Variants in SETX observed in about 807,000 individuals in gnomAD.
The protein encoded by SETX is helicase senataxin.
SETX carries 90 observed loss-of-function variants against 227.2 expected under a neutral mutation model. That is an observed-to-expected ratio of 0.40 (90% confidence interval 0.33 to 0.47). SETX has a LOEUF of 0.47. SETX is among the 20% of genes least tolerant of loss of function. The probability of loss-of-function intolerance (pLI) is 0.91; values close to 1 mark genes in which losing one functional copy is unlikely to be tolerated. For synonymous variants in SETX, 1,210 were observed against 1,113.2 expected (o/e 1.09, Z -1.73); for missense variants, 3,052 against 3,181.5 (o/e 0.96, Z 0.98).
intron 5 of SETX, among the ~76,000 whole-genome samples, chr9:132,339,917 A>G (rs1847858173): frequency 6.6e-6 from 1 of 152,112 alleles, no homozygotes; most frequent in Admixed American, 6.6e-5. Flanking sequence ...GCCCAGCCAT[A>G]TCTCCGGTAT....
In SETX at chr9:132,326,682, T is replaced by A. The variant is rs150918808; in HGVS notation, c.4916A>T (p.Gln1639Leu). The part of the protein sequence containing the change: ...KGIQSILKVP[Q>L]PVPLIAQKPV... ...CTTCTGAGCTATGAGGGGAACTGGC[T>A]GTGGTACTTTCAAAATCGACTGTAT... Residue 1639 changes from glutamine (Q) to leucine (L), a missense_variant, in exon 10 of 26, where the codon CAG becomes CTG. Gln to Leu is a moderately radical substitution (Grantham distance 113, BLOSUM62 -2). This residue lies in a region of SETX where 1,483 missense variants were observed against 1,312.0 expected (regional missense o/e 1.13). Transcript: ENST00000224140. The A allele has an allele frequency of 6.2e-7, 1 of 1,614,204 alleles. No individual in the cohort carries two copies. Among genetic ancestry groups the A allele is most frequent in the East Asian group, 2.2e-5 (1 of 44,876 alleles).
chr9:132,281,917 G>C (rs923402106), intron 19 of SETX, among the ~76,000 whole-genome samples: 3 of 151,568 alleles, frequency 2.0e-5, no homozygotes, highest in Non-Finnish European at 4.4e-5. Context: ...AGCTACTTGG[G>C]AGGCTGAGGC....
At chr9:132,315,725 C>A (rs531503542) in intron 10 of SETX, among the ~76,000 whole-genome samples, 2 of 152,180 alleles carry the variant, frequency 1.3e-5, no homozygotes, top group Non-Finnish European at 2.9e-5. Context: ...TCAATGATGA[C>A]CTCCTTGCTG....
rs1166234070 is a variant in SETX at position 132,296,820 on chromosome 9, C to T, written c.5949+67G>A. 5.8e-6 allele frequency: 8 copies of T among 1,386,024 alleles called. No homozygotes were observed. In the East Asian group the frequency reaches 1.1e-4, roughly 20 times the overall value. The allele number at this position is 1,386,024 out of a possible 1,614,324, so 85.9% of individuals were successfully genotyped here. On this transcript the variant is annotated intron_variant, in intron 14 of 25. Coordinates refer to ENST00000224140, the MANE Select transcript of SETX (RefSeq NM_015046.7). Reference sequence around the variant, plus strand: ...GGCATGTTAATACTTATTTACATGTCAGTTAACTCAAGTAAAGTAAAATGA... The same window carrying T: ...GGCATGTTAATACTTATTTACATGTTAGTTAACTCAAGTAAAGTAAAATGA...
rs1383757047 is a variant in SETX at position 132,328,003 on chromosome 9, T to C, written c.3595A>G (p.Lys1199Glu). The change falls in exon 10 of 26, where the codon AAA (lysine) becomes GAA (glutamate). Residue 1199 changes from lysine (K) to glutamate (E), a missense_variant. Physicochemically the swap from Lys to Glu is moderately conservative, Grantham distance 56. This residue lies in a region of SETX where 1,483 missense variants were observed against 1,312.0 expected (regional missense o/e 1.13). Coordinates refer to ENST00000224140, the MANE Select transcript of SETX (RefSeq NM_015046.7). ...NKRDLVGNDF[K>E]SIDRRTSTPN... ...GTTGAAGTCCTTCTATCAATACTTT[T>C]AAAATCATTTCCCACAAGATCTCTC... The C allele has an allele frequency of 6.2e-7, 1 of 1,613,840 alleles. No homozygotes were observed. The highest frequency in any genetic ancestry group is 1.3e-5 in the African/African-American group (1 of 75,024).
At chr9:132,287,525 T>C (rs1843982079) in intron 17 of SETX, among the ~76,000 whole-genome samples, 1 of 151,976 alleles carries the variant, frequency 6.6e-6, no homozygotes, top group Admixed American at 6.6e-5. Flanking sequence ...CCCATCTATT[T>C]TCGTAAATAA....
At chr9:132,310,818 C>T (rs1227456511) in intron 11 of SETX, among the ~76,000 whole-genome samples, 3 of 152,048 alleles carry the variant, frequency 2.0e-5, no homozygotes, top group Admixed American at 6.5e-5. Context: ...CTGAGTGTGA[C>T]GATGATAAAG....
chr9:132,307,418 C>A (rs1199540387), intron 11 of SETX, among the ~76,000 whole-genome samples: 2 of 151,744 alleles, frequency 1.3e-5, no homozygotes, highest in African/African-American at 4.8e-5. Flanking sequence ...ATGTATTACC[C>A]ACTAACAGCA....
chr9:132,316,434 ATTAACT>A (rs927673155), intron 10 of SETX, among the ~76,000 whole-genome samples: 25 of 152,236 alleles, frequency 1.6e-4, no homozygotes, highest in Admixed American at 4.6e-4. Flanking sequence ...CTAAAAAGAC[ATTAACT>A]TTGACAGAAT....
chr9:132,326,740 G>T lies in SETX; in HGVS notation c.4858C>A (p.Leu1620Ile). 1.2e-6 allele frequency: 2 copies of T among 1,614,214 alleles called. No individual in the cohort carries two copies. Among genetic ancestry groups the T allele is most frequent in the Non-Finnish European group, 1.7e-6 (2 of 1,180,026 alleles). Residue 1620 changes from leucine to isoleucine, a missense_variant, in exon 10 of 26, where the codon CTT becomes ATT. Coordinates refer to ENST00000224140, the MANE Select transcript of SETX (RefSeq NM_015046.7). ...LSKSLETSSA[L>I]SPSLKNKSKG... ...GACTTATTTTTTAGAGACGGTGAAA[G>T]TGCTGAAGAAGTTTCCAAAGATTTA...
intron 10 of SETX, among the ~76,000 whole-genome samples, chr9:132,325,932 TA>T (rs1305318477): frequency 0.19 from 14,423 of 73,990 alleles, 1,268 homozygotes; most frequent in East Asian, 0.51. Flanking sequence ...AAACTCCACC[TA>T]AAAAAAAAAA....
At chr9:132,310,452 A>G (rs1323375721) in intron 11 of SETX, among the ~76,000 whole-genome samples, 3 of 152,256 alleles carry the variant, frequency 2.0e-5, no homozygotes, top group Non-Finnish European at 4.4e-5. Flanking sequence ...ATGGGTGATC[A>G]TAGTAGCATT....
chr9:132,314,906 G>GTTTTTTTTTTTTTTTTTTTTTT (rs559979271), intron 10 of SETX, among the ~76,000 whole-genome samples: 1 of 88,494 alleles, frequency 1.1e-5, no homozygotes, highest in African/African-American at 4.5e-5. Flanking sequence ...ATTTTATTGT[G>GTTTTTTTTTTTTTTTTTTTTTT]TTTTTTTTTT....
intron 10 of SETX, among the ~76,000 whole-genome samples, chr9:132,319,911 C>G (rs1311563519): frequency 6.6e-6 from 1 of 152,106 alleles, no homozygotes; most frequent in Non-Finnish European, 1.5e-5. Context: ...GTCCATGCAA[C>G]CTACAATGAC....
Position 132,326,674 on chromosome 9 carries a change from G to C in SETX, c.4924C>G (p.Pro1642Ala), listed in dbSNP as rs375942182. The change falls in exon 10 of 26, where the codon CCC becomes GCC. Residue 1642 changes from proline to alanine, a missense_variant. By Grantham distance (27) the Pro-to-Ala change is conservative (BLOSUM62 -1). Transcript: ENST00000224140. ...QSILKVPQPV[P>A]LIAQKPVGEM... The stretch of plus-strand genomic sequence containing the variant: ...CCAACTGGCTTCTGAGCTATGAGGG[G>C]AACTGGCTGTGGTACTTTCAAAATC... 3 of 1,612,822 alleles carry C rather than the reference G, an allele frequency of 1.9e-6. No individual in the cohort carries two copies. In the African/African-American group the frequency reaches 4.0e-5, roughly 22 times the overall value.
chr9:132,306,295 C>T (rs1845331316), intron 11 of SETX, among the ~76,000 whole-genome samples: 1 of 152,186 alleles, frequency 6.6e-6, no homozygotes, highest in Non-Finnish European at 1.5e-5. Flanking sequence ...TCACTGCAAC[C>T]TCTGCCTCTT....
intron 12 of SETX, among the ~76,000 whole-genome samples, chr9:132,298,590 G>C (rs1399751597): frequency 6.6e-6 from 1 of 152,156 alleles, no homozygotes; most frequent in Non-Finnish European, 1.5e-5. Flanking sequence ...TGGGGATGGA[G>C]GCAGATAAGC....
At chr9:132,281,246 C>T (rs975643689) in intron 20 of SETX, among the ~76,000 whole-genome samples, 1 of 152,122 alleles carries the variant, frequency 6.6e-6, no homozygotes, top group African/African-American at 2.4e-5. Context: ...CAAGTCCCTG[C>T]CACACTGCTT....
At position 132,264,923 on chromosome 9, in the gene SETX, G is replaced by A; in HGVS notation, c.7350C>T (p.Thr2450=). ...DAQKRGAIIK[T]CDKNYRHDAV... is the part of the protein sequence containing the mutation. ...CATCATGTCTATAGTTTTTGTCACA[G>A]GTCTTAATAATGGCACCACGCTTCT... Residue 2450 remains threonine (T), a synonymous_variant, in exon 26 of 26, where the codon ACC becomes ACT. Transcript: ENST00000224140. The A allele has an allele frequency of 6.2e-7, 1 of 1,614,126 alleles. No homozygotes were observed. The highest frequency in any genetic ancestry group is 8.5e-7 in the Non-Finnish European group (1 of 1,180,010).
Sources: allele counts gnomAD v4.1 joint callset (sites outside exome capture counted in the v4.1 genomes callset), GRCh38; gene constraint gnomAD v4.1.1; regional missense constraint gnomAD v4.1.1; transcripts MANE v1.5; gene names NCBI Gene and HGNC (gene_info 2026-07-23, HGNC 2026-07-21).